The following ZNF544 variants were observed in gnomAD, a reference collection of about 807,000 sequenced individuals.
ZNF544 encodes zinc finger protein 544.
A neutral mutation model predicts 13.5 loss-of-function variants in ZNF544; 10 were observed. That is an observed-to-expected ratio of 0.74 (90% confidence interval 0.46 to 1.25). The LOEUF is 1.25. Among genes scored for constraint, ZNF544 ranks in the 50% most tolerant of loss-of-function variants. The pLI is 0.00. For missense variants in ZNF544, 896 were observed against 845.6 expected (o/e 1.06, Z -0.74); for synonymous variants, 323 against 300.5 (o/e 1.07, Z -0.77).
intron 3 of ZNF544, among the ~76,000 whole-genome samples, chr19:58,238,570 C>T (rs566756403): frequency 8.5e-5 from 13 of 152,260 alleles, no homozygotes; most frequent in Non-Finnish European, 1.5e-4. Context: ...GCTCAGTACA[C>T]GTGTGAGCAT....
At chr19:58,253,464 A>G (rs1394798430) in intron 6 of ZNF544, among the ~76,000 whole-genome samples, 1 of 152,180 alleles carries the variant, frequency 6.6e-6, no homozygotes, top group Non-Finnish European at 1.5e-5. Context: ...TTTGAGACAG[A>G]GCCTTGCTCT....
At position 58,276,544 on chromosome 19, in the gene ZNF544, C is replaced by T. The variant is rs1396418318; in HGVS notation, c.351+115C>T. 1.9e-5 allele frequency: 10 copies of T among 514,424 alleles called. No individual in the cohort carries two copies. The East Asian group carries it at 1.9e-4, about 10-fold the overall frequency. 31.9% of individuals were successfully genotyped at this position (514,424 alleles called of 1,614,324 possible). On this transcript the variant is annotated intron_variant, in intron 6 of 6. Transcript: ENST00000595981. ...GTGCAGTGGCGCAATCTCAGCTAAT[C>T]GCAACCTCCGCCTCCCAGTTTCAAG...
intron 6 of ZNF544, among the ~76,000 whole-genome samples, chr19:58,276,753 G>A (rs529774600): frequency 3.3e-5 from 5 of 152,306 alleles, no homozygotes; most frequent in African/African-American, 4.8e-5. Flanking sequence ...ACTCACAGGC[G>A]TGAGCCACCA....
In ZNF544 at chr19:58,246,800, A is replaced by T. The variant is rs749310401; in HGVS notation, c.244+6A>T. On this transcript the variant is annotated splice_donor_region_variant and intron_variant, in intron 6 of 6. Transcript: ENST00000687789. ...AGAGCAGGAGGCCCCCCGAGGTAAG[A>T]GCAGACCTTGTGGTGAGCAGCTCAA... is the stretch of plus-strand genomic sequence containing the variant. 6.2e-7 allele frequency: 1 copy of T among 1,613,652 alleles called. No homozygotes were observed. The highest frequency in any genetic ancestry group is 1.1e-5 in the South Asian group (1 of 91,070).
rs1568496836 is a variant in ZNF544, at chr19:58,260,917, C to T, written c.311C>T (p.Ser104Phe). 6.2e-7 allele frequency: 1 copy of T among 1,613,824 alleles called. No homozygotes were observed. Among genetic ancestry groups the T allele is most frequent in the Non-Finnish European group, 8.5e-7 (1 of 1,179,964 alleles). ...SEKDRAREEL[S>F]HHVEVYRSGP... ...AAAGATCGAGCTAGGGAAGAACTATCCCACCACGTGGAAGTGTACAGGAGT... is the reference window on the plus strand; with the variant it reads ...AAAGATCGAGCTAGGGAAGAACTATTCCACCACGTGGAAGTGTACAGGAGT... Residue 104 changes from serine (S) to phenylalanine (F), a missense_variant, in exon 7 of 7, where the codon TCC becomes TTC. Transcript: ENST00000687789.
chr19:58,271,040 T>G (rs577937269), intron 5 of ZNF544, among the ~76,000 whole-genome samples: 65 of 150,966 alleles, frequency 4.3e-4, no homozygotes, highest in African/African-American at 1.5e-3. Context: ...GGTGAAACTC[T>G]GTCTCTACTA....
At position 58,261,598 on chromosome 19, in the gene ZNF544, G is replaced by A. The variant is rs758931328; in HGVS notation, c.992G>A (p.Arg331His). Residue 331 changes from arginine to histidine, a missense_variant, in exon 7 of 7, where the codon CGC becomes CAC. Transcript: ENST00000687789. ...GAGACCCCCTTCAGATGTGAGGAAC[G>A]CTGTGCTGCCTTCCCCATGGCCTCA... ...PGETPFRCEERCAAFPMASSF... is the reference protein window; with the variant it reads ...PGETPFRCEEHCAAFPMASSF... The A allele has an allele frequency of 6.2e-6, 10 of 1,614,086 alleles. No homozygotes were observed. The highest frequency in any genetic ancestry group is 3.3e-5 in the Admixed American group (2 of 60,002).
At chr19:58,248,447 T>G (rs1255108790) in intron 6 of ZNF544, among the ~76,000 whole-genome samples, 1 of 150,256 alleles carries the variant, frequency 6.7e-6, no homozygotes, top group Non-Finnish European at 1.5e-5. Flanking sequence ...TGCCCAGGCT[T>G]GTCTTGAACT....
intron 5 of ZNF544, among the ~76,000 whole-genome samples, chr19:58,274,070 A>C (rs1284549648): frequency 6.6e-6 from 1 of 152,136 alleles, no homozygotes; most frequent in Non-Finnish European, 1.5e-5. Context: ...CTGGGATTAC[A>C]AGTGTGAGCC....
chr19:58,273,466 G>T (rs561282430), intron 5 of ZNF544, among the ~76,000 whole-genome samples: 1 of 152,030 alleles, frequency 6.6e-6, no homozygotes, highest in Non-Finnish European at 1.5e-5. Context: ...CAAGGTGGGC[G>T]GATCACCAGG....
chr19:58,274,407 G>T (rs1024894683), intron 5 of ZNF544, among the ~76,000 whole-genome samples: 2 of 152,124 alleles, frequency 1.3e-5, no homozygotes, highest in African/African-American at 4.8e-5. Context: ...CAGGGAAAAT[G>T]ACATTTGAAG....
In ZNF544 at chr19:58,229,078, C is replaced by T. The variant is rs192329123; in HGVS notation, c.-232+132C>T. The T allele has an allele frequency of 3.9e-3, 600 of 152,692 alleles. 3 individuals are homozygous for T. Among genetic ancestry groups the T allele is most frequent in the Non-Finnish European group, 5.8e-3 (396 of 68,324 alleles). The allele number at this position is 152,692 out of a possible 1,614,324, so 9.5% of individuals were successfully genotyped here. ...AGAAACGAGCAGGGCCTGCGGGGGT[C>T]CCTCATGCGGCGAGGCCGAGCAAGG... On this transcript the variant is annotated intron_variant, in intron 1 of 6. Coordinates refer to ENST00000687789, the MANE Select transcript of ZNF544 (RefSeq NM_014480.4).
chr19:58,277,226 G>A (rs895461764), exon 7 of ZNF544: 3 of 741,000 alleles, frequency 4.0e-6, no homozygotes, highest in Non-Finnish European at 4.8e-6. Flanking sequence ...GGGCCAGAAG[G>A]ATCTGAGAGA....
chr19:58,238,475 A>C (rs1258943076), intron 3 of ZNF544, among the ~76,000 whole-genome samples: 2 of 152,204 alleles, frequency 1.3e-5, no homozygotes, highest in Non-Finnish European at 2.9e-5. Flanking sequence ...AGCGGTGCAT[A>C]GTGCCTGGAA....
chr19:58,259,740 A>G (rs1230253540), intron 6 of ZNF544: 1 of 151,960 alleles, frequency 6.6e-6, no homozygotes, highest in Non-Finnish European at 1.5e-5. Context: ...GATAGTACAG[A>G]AAAAAAATCC....
rs561588405 is a variant in ZNF544, at chr19:58,273,996, A to G, written c.245-2327A>G. Among the ~76,000 whole-genome samples, 54 of 151,970 alleles carry G rather than the reference A, an allele frequency of 3.6e-4. 1 individual carries two copies. In the South Asian group the frequency reaches 8.7e-3, roughly 25 times the overall value. On this transcript the variant is annotated intron_variant, in intron 5 of 6. Coordinates refer to the ZNF544 transcript ENST00000595981. ...TTTTTAGTAGAGACGGGGTTTCCCC[A>G]TGTTGGCCAGGATGGTCTCGAACTC...
chr19:58,267,960 AAC>A (rs961656778), downstream of ZNF544, among the ~76,000 whole-genome samples: 25 of 151,462 alleles, frequency 1.7e-4, no homozygotes, highest in Admixed American at 3.9e-4. Flanking sequence ...CATCCTGAGC[AAC>A]AGAGCGAGAC....
intron 6 of ZNF544, among the ~76,000 whole-genome samples, chr19:58,248,060 C>T (rs994064309): frequency 3.6e-4 from 54 of 151,858 alleles, no homozygotes; most frequent in Admixed American, 2.6e-3. Flanking sequence ...ACTACAGGCA[C>T]GCACCACCAC....
At chr19:58,241,657 G>A (rs1254916739) in intron 3 of ZNF544, among the ~76,000 whole-genome samples, 1 of 151,814 alleles carries the variant, frequency 6.6e-6, no homozygotes, top group East Asian at 1.9e-4. Flanking sequence ...CCACCACACC[G>A]GCTAATTTTT....
Sources: allele counts gnomAD v4.1 joint callset (sites outside exome capture counted in the v4.1 genomes callset), GRCh38; gene constraint gnomAD v4.1.1; transcripts MANE v1.5; gene names NCBI Gene and HGNC (gene_info 2026-07-23, HGNC 2026-07-21).